The following ADK variants were observed in gnomAD, a reference collection of about 807,000 sequenced individuals.
ADK encodes adenosine kinase, also known as N6,N6-dimethyladenosine kinase.
ADK carries 24 observed loss-of-function variants against 44.7 expected under a neutral mutation model. The ratio of observed to expected loss-of-function variants is 0.54; its 90% CI spans 0.39 to 0.76. The LOEUF is 0.76. Among genes scored for constraint, ADK ranks in the 30% least tolerant of loss-of-function variants. The pLI is 0.00. For synonymous variants in ADK, 128 were observed against 142.6 expected, an observed-to-expected ratio of 0.90 and a Z score of 0.73; for missense variants, 321 against 425.1, an observed-to-expected ratio of 0.76 and a Z score of 2.15.
At chr10:74,245,903 T>G (rs1845399085) in intron 3 of ADK, among the ~76,000 whole-genome samples, 1 of 152,190 alleles carries the variant, frequency 6.6e-6, no homozygotes, top group Non-Finnish European at 1.5e-5. Flanking sequence ...TCTACAGTTT[T>G]TTATCTTATG....
intron 3 of ADK, among the ~76,000 whole-genome samples, chr10:74,299,186 C>G (rs1346600676): frequency 6.6e-6 from 1 of 151,998 alleles, no homozygotes; most frequent in Non-Finnish European, 1.5e-5. Flanking sequence ...TGTGTTGCTA[C>G]TGATAGTAGT....
intron 1 of ADK, among the ~76,000 whole-genome samples, chr10:74,162,020 AT>A (rs901098914): frequency 5.9e-5 from 9 of 151,338 alleles, no homozygotes; most frequent in African/African-American, 1.7e-4. Flanking sequence ...CCCTTTAAAG[AT>A]TTTTTTGTTT....
At chr10:74,635,793 C>G (rs759924074) in intron 9 of ADK, among the ~76,000 whole-genome samples, 13 of 151,886 alleles carry the variant, frequency 8.6e-5, no homozygotes, top group Non-Finnish European at 1.8e-4. Context: ...AATTAAAAGC[C>G]CACTTTCAGA....
At chr10:74,455,739 A>G (rs919042605) in intron 6 of ADK, among the ~76,000 whole-genome samples, 1 of 152,008 alleles carries the variant, frequency 6.6e-6, no homozygotes. Flanking sequence ...TGATCTCTTG[A>G]CCTCGTGATC....
At chr10:74,267,748 C>G (rs1178396536) in intron 3 of ADK, among the ~76,000 whole-genome samples, 1 of 68,212 alleles carries the variant, frequency 1.5e-5, no homozygotes, top group African/African-American at 4.1e-5. Flanking sequence ...TGGCTTATAT[C>G]CTTATTTGTG....
chr10:74,473,035 G>A (rs192988066), intron 6 of ADK, among the ~76,000 whole-genome samples: 11 of 152,102 alleles, frequency 7.2e-5, no homozygotes, highest in African/African-American at 2.7e-4. Flanking sequence ...TGCCACCCAG[G>A]CTGGAAGACA....
At chr10:74,490,093 A>T (rs552262960) in intron 6 of ADK, among the ~76,000 whole-genome samples, 1 of 152,146 alleles carries the variant, frequency 6.6e-6, no homozygotes, top group Admixed American at 6.5e-5. Context: ...CATAATCTAT[A>T]TGCTTTAAAA....
chr10:74,529,989 A>T (rs1819705026), intron 7 of ADK, among the ~76,000 whole-genome samples: 1 of 152,198 alleles, frequency 6.6e-6, no homozygotes, highest in African/African-American at 2.4e-5. Context: ...CTATATTTGC[A>T]TATAATTCAA....
At chr10:74,676,550 C>T (rs538503843) in intron 10 of ADK, among the ~76,000 whole-genome samples, 274 of 152,292 alleles carry the variant, frequency 1.8e-3, no homozygotes, top group Non-Finnish European at 3.4e-3. Flanking sequence ...AATCATAGCT[C>T]ACTGCAGCCT....
chr10:74,668,761 A>G (rs182042885), intron 9 of ADK, among the ~76,000 whole-genome samples: 131 of 152,254 alleles, frequency 8.6e-4, no homozygotes, highest in Non-Finnish European at 1.5e-3. Context: ...AGCCAGATGC[A>G]GTGGCTCATG....
chr10:74,398,391 A>G (rs775510644), intron 5 of ADK, 80 bp from the exon 6 acceptor site: 52 of 889,372 alleles, frequency 5.8e-5, no homozygotes, highest in Non-Finnish European at 8.2e-5. Context: ...TAAACTTTGC[A>G]AAAAATATTG....
chr10:74,413,323 T>TGCCAG (rs1195555191), intron 6 of ADK, among the ~76,000 whole-genome samples: 1 of 152,214 alleles, frequency 6.6e-6, no homozygotes, highest in East Asian at 1.9e-4. Flanking sequence ...TAGCATCTTC[T>TGCCAG]GCCAGTAGAA....
chr10:74,330,312 T>C (rs1841174304), intron 4 of ADK, among the ~76,000 whole-genome samples: 1 of 152,156 alleles, frequency 6.6e-6, no homozygotes, highest in African/African-American at 2.4e-5. Flanking sequence ...CTCAGGAGGT[T>C]GAGATGGGAA....
At chr10:74,408,545 C>T (rs541616147) in intron 6 of ADK, among the ~76,000 whole-genome samples, 1 of 152,068 alleles carries the variant, frequency 6.6e-6, no homozygotes, top group African/African-American at 2.4e-5. Flanking sequence ...TACAGTAGAA[C>T]CTTGAACAAT....
At chr10:74,596,014 A>G (rs12250637) in intron 8 of ADK, among the ~76,000 whole-genome samples, 1 of 150,142 alleles carries the variant, frequency 6.7e-6, no homozygotes, top group Non-Finnish European at 1.5e-5. Flanking sequence ...AAAAAAAAAA[A>G]AACCACTGAA....
chr10:74,597,532 CTTG>C (rs1251114067), intron 8 of ADK, among the ~76,000 whole-genome samples: 4 of 152,138 alleles, frequency 2.6e-5, no homozygotes, highest in African/African-American at 7.2e-5. Context: ...GTTCCTCACT[CTTG>C]TTGTTCATGA....
chr10:74,190,083 T>C (rs1364584779), intron 1 of ADK, among the ~76,000 whole-genome samples: 1 of 152,250 alleles, frequency 6.6e-6, no homozygotes, highest in East Asian at 1.9e-4. Flanking sequence ...TGGTGTTCTA[T>C]TTTTCTATTT....
intron 6 of ADK, among the ~76,000 whole-genome samples, chr10:74,449,983 G>T (rs1307928097): frequency 2.0e-5 from 3 of 152,094 alleles, no homozygotes; most frequent in African/African-American, 7.2e-5. Context: ...GATTATACTT[G>T]GAGTCGAAAT....
At chr10:74,590,157 A>C (rs1360411775) in intron 8 of ADK, among the ~76,000 whole-genome samples, 3 of 152,196 alleles carry the variant, frequency 2.0e-5, no homozygotes, top group African/African-American at 7.2e-5. Flanking sequence ...TGACTATGAT[A>C]TTTATTGAGT....
Sources: allele counts gnomAD v4.1 joint callset (sites outside exome capture counted in the v4.1 genomes callset), GRCh38; gene constraint gnomAD v4.1.1; transcripts MANE v1.5; gene names NCBI Gene and HGNC (gene_info 2026-07-23, HGNC 2026-07-21).